Variants in RGS6 observed in about 807,000 individuals in gnomAD.
RGS6 encodes the protein regulator of G-protein signaling 6.
A neutral mutation model predicts 78.5 loss-of-function variants in RGS6; 30 were observed. That is an observed-to-expected ratio of 0.38 (90% CI 0.29 to 0.52). The LOEUF is 0.52. RGS6 is among the 20% of genes least tolerant of loss of function. RGS6 has a pLI of 0.85. For missense variants in RGS6, 495 were observed against 609.7 expected, an observed-to-expected ratio of 0.81 and a Z score of 1.98; for synonymous variants, 206 against 206.0, an observed-to-expected ratio of 1.00 and a Z score of 0.00.
intron 9 of RGS6, 131 bp downstream of exon 9, chr14:72,473,084 G>T: frequency 1.7e-6 from 1 of 585,004 alleles, no homozygotes; most frequent in Non-Finnish European, 3.0e-6. Flanking sequence ...TGTGGAACTG[G>T]TTTCGCCATT....
At chr14:72,401,613 A>C (rs776641068) in intron 3 of RGS6, among the ~76,000 whole-genome samples, 5 of 149,338 alleles carry the variant, frequency 3.3e-5, no homozygotes, top group African/African-American at 4.9e-5. Flanking sequence ...GGGATTTCCA[A>C]ATGTTTCTAC....
intron 2 of RGS6, among the ~76,000 whole-genome samples, chr14:72,142,321 AAAAG>A (rs2096551096): frequency 6.6e-6 from 1 of 152,152 alleles, no homozygotes. Flanking sequence ...TTAAAAAAAA[AAAAG>A]AGAGGAGAGA....
intron 2 of RGS6, among the ~76,000 whole-genome samples, chr14:72,068,237 C>A (rs549721652): frequency 4.3e-4 from 64 of 148,714 alleles, no homozygotes; most frequent in African/African-American, 1.6e-3. Flanking sequence ...GGGGTTCAAG[C>A]CATCCTCCCA....
At chr14:72,600,963 G>A in the RGS6 span, among the ~76,000 whole-genome samples, 2 of 148,524 alleles carry the variant, frequency 1.3e-5, no homozygotes, top group Non-Finnish European at 1.5e-5. Context: ...GGAAGGAAAG[G>A]AGGAGGAGGA....
chr14:71,961,110 T>G (rs879456620), intron 1 of RGS6, among the ~76,000 whole-genome samples: 5 of 152,096 alleles, frequency 3.3e-5, no homozygotes, highest in Non-Finnish European at 5.9e-5. Flanking sequence ...AATTCCGTCA[T>G]GGGGAGGGAT....
chr14:72,087,640 T>TA (rs2095102980), intron 2 of RGS6, among the ~76,000 whole-genome samples: 1 of 150,584 alleles, frequency 6.6e-6, no homozygotes, highest in African/African-American at 2.4e-5. Flanking sequence ...TTTTTTTTTT[T>TA]AAGGAAGAAA....
chr14:71,883,775 T>A, the RGS6 span, among the ~76,000 whole-genome samples: 1 of 152,218 alleles, frequency 6.6e-6, no homozygotes, highest in Non-Finnish European at 1.5e-5. Flanking sequence ...TGTATTAGCA[T>A]GCTAAAAGAT....
At chr14:72,434,292 T>C (rs1312644787) in intron 3 of RGS6, among the ~76,000 whole-genome samples, 14 of 152,214 alleles carry the variant, frequency 9.2e-5, no homozygotes. Context: ...AGCTCTGCTC[T>C]CACCTCTGCA....
intron 2 of RGS6, among the ~76,000 whole-genome samples, chr14:72,069,046 A>G (rs572835052): frequency 6.6e-6 from 1 of 151,484 alleles, no homozygotes; most frequent in East Asian, 2.0e-4. Context: ...ATCTTGGCTC[A>G]CTGCAACCTC....
chr14:72,597,481 C>T, the RGS6 span, among the ~76,000 whole-genome samples: 42 of 152,312 alleles, frequency 2.8e-4, 1 homozygote, highest in Non-Finnish European at 4.7e-4. Context: ...GTTTCTCCTA[C>T]GTGTCCCTGA....
At chr14:72,003,853 T>G (rs1365469472) in intron 2 of RGS6, among the ~76,000 whole-genome samples, 1 of 152,144 alleles carries the variant, frequency 6.6e-6, no homozygotes, top group Non-Finnish European at 1.5e-5. Context: ...TTGTACCATA[T>G]CATTCAGTCA....
At chr14:72,159,471 T>G (rs542210420) in intron 2 of RGS6, among the ~76,000 whole-genome samples, 7 of 152,340 alleles carry the variant, frequency 4.6e-5, no homozygotes, top group African/African-American at 1.7e-4. Context: ...CTCAGTCAAT[T>G]GTGATCTGAC....
At chr14:72,117,865 C>G (rs1369174747) in intron 2 of RGS6, among the ~76,000 whole-genome samples, 1 of 151,886 alleles carries the variant, frequency 6.6e-6, no homozygotes, top group Non-Finnish European at 1.5e-5. Context: ...CCCATGATAC[C>G]CACCTGCAGC....
chr14:72,219,945 C>T, intron 2 of RGS6, among the ~76,000 whole-genome samples: 1 of 151,742 alleles, frequency 6.6e-6, no homozygotes, highest in African/African-American at 2.4e-5. Context: ...AAATCAACCT[C>T]TCCATGTTTG....
At chr14:72,252,951 T>A (rs2056182884) in intron 2 of RGS6, among the ~76,000 whole-genome samples, 1 of 152,240 alleles carries the variant, frequency 6.6e-6, no homozygotes, top group Non-Finnish European at 1.5e-5. Flanking sequence ...GGAGGGTTAC[T>A]TCTCAAGGTC....
the RGS6 span, among the ~76,000 whole-genome samples, chr14:71,917,046 C>T: frequency 6.6e-6 from 1 of 152,294 alleles, no homozygotes; most frequent in East Asian, 1.9e-4. Flanking sequence ...GATTCAGAAA[C>T]AGGATGCCAC....
intron 3 of RGS6, among the ~76,000 whole-genome samples, chr14:72,419,841 G>T (rs776860085): frequency 5.3e-5 from 8 of 152,206 alleles, no homozygotes; most frequent in Non-Finnish European, 8.8e-5. Flanking sequence ...TTTGCCCTGA[G>T]ACTTGAAGTA....
chr14:72,011,844 T>A (rs1349265608), intron 2 of RGS6, among the ~76,000 whole-genome samples: 1 of 152,194 alleles, frequency 6.6e-6, no homozygotes, highest in Non-Finnish European at 1.5e-5. Context: ...TTCAGTACTT[T>A]GGTAATAGTG....
chr14:72,305,821 A>G (rs145276767), intron 2 of RGS6, among the ~76,000 whole-genome samples: 169 of 152,376 alleles, frequency 1.1e-3, no homozygotes, highest in African/African-American at 3.8e-3. Flanking sequence ...TAAAAGCTAG[A>G]AATGACTAAG....
Sources: allele counts gnomAD v4.1 joint callset (sites outside exome capture counted in the v4.1 genomes callset), GRCh38; gene constraint gnomAD v4.1.1; transcripts MANE v1.5; gene names NCBI Gene and HGNC (gene_info 2026-07-23, HGNC 2026-07-21).